Variants in DYNC2H1 observed in about 807,000 individuals in gnomAD.
DYNC2H1 encodes the protein cytoplasmic dynein 2 heavy chain 1.
Under a neutral mutation model 570.0 loss-of-function variants are expected in DYNC2H1, and 410 were observed. The observed-to-expected ratio is 0.72, with a 90% CI of 0.66 to 0.78. The LOEUF (loss-of-function observed/expected upper bound fraction) is 0.78. Among genes scored for constraint, DYNC2H1 ranks in the 30% least tolerant of loss-of-function variants. The probability of loss-of-function intolerance (pLI) is 0.00; values close to 1 mark genes in which losing one functional copy is unlikely to be tolerated. For synonymous variants in DYNC2H1, 1,688 were observed against 1,677.6 expected (o/e 1.01, Z -0.15); for missense variants, 4,865 against 5,046.4 (o/e 0.96, Z 1.09).
intron 77 of DYNC2H1, among the ~76,000 whole-genome samples, chr11:103,307,052 G>A (rs4754907): frequency 0.17 from 26,297 of 152,098 alleles, 2,465 homozygotes; most frequent in Admixed American, 0.26. Context: ...TATTTAAATT[G>A]TATTTTGACA....
intron 83 of DYNC2H1, among the ~76,000 whole-genome samples, chr11:103,373,204 G>T (rs1019078438): frequency 1.3e-5 from 2 of 152,008 alleles, no homozygotes; most frequent in African/African-American, 4.8e-5. Flanking sequence ...CAAAGTGCTG[G>T]GTTTACAGGC....
At chr11:103,294,967 G>C (rs2135378299) in intron 75 of DYNC2H1, among the ~76,000 whole-genome samples, 1 of 152,274 alleles carries the variant, frequency 6.6e-6, no homozygotes, top group Admixed American at 6.5e-5. Context: ...CCTCTAAAGA[G>C]AAGGAACGTG....
Position 103,302,944 on chromosome 11 carries a change from T to G in DYNC2H1, c.11096-149T>G. On this transcript the variant is annotated intron_variant, in intron 75 of 88. Transcript: ENST00000375735. ...TAAAACAGATGTTGGCTATTACTAG[T>G]ATATTATTTTAGAGTAGAAAAACTT... 6 of 509,488 alleles carry G rather than the reference T, an allele frequency of 1.2e-5. No individual in the cohort carries two copies. In the Admixed American group the frequency reaches 2.6e-4, roughly 22 times the overall value. 31.6% of individuals were successfully genotyped at this position (509,488 alleles called of 1,614,324 possible). A position where few individuals can be genotyped will look rare whatever the true frequency, so the allele number is the denominator to read the frequency against.
intron 84 of DYNC2H1, among the ~76,000 whole-genome samples, chr11:103,416,863 A>T (rs1943302376): frequency 6.6e-6 from 1 of 152,140 alleles, no homozygotes; most frequent in East Asian, 1.9e-4. Flanking sequence ...ATGGGGAGAA[A>T]TTTTTGCAAT....
Position 103,311,966 on chromosome 11 carries a change from C to T in DYNC2H1, c.11582C>T (p.Ala3861Val). The part of the protein sequence containing the change: ...QISKKDNTHR[A>V]HALFSLAWFH... ...AGCAAAAAAGATAATACACATCGAG[C>T]TCATGCTCTCTTCAGTCTTGCATGG... The change falls in exon 79 of 89, where the codon GCT (alanine) becomes GTT (valine). Residue 3861 changes from alanine to valine, a missense_variant. Ala to Val is a moderately conservative substitution (Grantham distance 64). This residue lies in a region of DYNC2H1 where 2,401 missense variants were observed against 2,454.6 expected (regional missense o/e 0.98). Transcript: ENST00000375735. 6.2e-7 allele frequency: 1 copy of T among 1,613,680 alleles called. No individual in the cohort carries two copies.
At chr11:103,247,073 A>G (rs565950654) in intron 65 of DYNC2H1, among the ~76,000 whole-genome samples, 2 of 151,448 alleles carry the variant, frequency 1.3e-5, no homozygotes, top group Non-Finnish European at 2.9e-5. Flanking sequence ...GGCAGTTTGC[A>G]GTTGGTAAAT....
rs1038562078 is a variant in DYNC2H1 at position 103,129,648 on chromosome 11, C to T, written c.1953+643C>T. The stretch of plus-strand genomic sequence containing the variant: ...GCAGTGGGTCGAGATCGTGCCACTG[C>T]ACTCTAGCCTGGGAGACAGAGCGAC... On this transcript the variant is annotated intron_variant, in intron 13 of 88. Transcript: ENST00000375735. This position sits in a 1 kb window ranked among gnomAD's most constrained non-coding sequence, Gnocchi z 4.1. Among the ~76,000 whole-genome samples the T allele has an allele frequency of 3.3e-5, 5 of 150,624 alleles. No homozygotes were observed. Among genetic ancestry groups the T allele is most frequent in the African/African-American group, 9.7e-5 (4 of 41,198 alleles).
At chr11:103,422,385 A>C (rs1372041425) in intron 84 of DYNC2H1, among the ~76,000 whole-genome samples, 1 of 152,148 alleles carries the variant, frequency 6.6e-6, no homozygotes, top group African/African-American at 2.4e-5. Flanking sequence ...AGAGACAACA[A>C]AAAAAGAAAA....
intron 87 of DYNC2H1, among the ~76,000 whole-genome samples, chr11:103,462,048 T>A (rs2135828157): frequency 6.6e-6 from 1 of 152,182 alleles, no homozygotes; most frequent in Middle Eastern, 3.4e-3. Context: ...CTCTTTCCAG[T>A]GGTTTGTTTG....
chr11:103,403,860 A>G (rs1258923974), intron 84 of DYNC2H1: 3 of 152,030 alleles, frequency 2.0e-5, no homozygotes, highest in Non-Finnish European at 4.4e-5. Context: ...TAGCTTCAAT[A>G]TCATTGGTGA....
chr11:103,330,322 T>A (rs1565500236), intron 82 of DYNC2H1, among the ~76,000 whole-genome samples: 1 of 152,086 alleles, frequency 6.6e-6, no homozygotes, highest in Non-Finnish European at 1.5e-5. Flanking sequence ...TACGAATTTG[T>A]GCAATCAAGA....
chr11:103,406,984 G>A (rs1229503677), intron 84 of DYNC2H1: 3 of 151,730 alleles, frequency 2.0e-5, no homozygotes, highest in Non-Finnish European at 4.4e-5. Flanking sequence ...AGTATTTATT[G>A]TTCATTGTCC....
rs17099969 is a variant in DYNC2H1, at chr11:103,121,378, G to T, written c.1367G>T (p.Arg456Leu). 1.3e-5 allele frequency: 20 copies of T among 1,598,744 alleles called. No individual in the cohort carries two copies. The Admixed American group carries it at 2.5e-4, about 20-fold the overall frequency. Residue 456 changes from arginine to leucine, a missense_variant, in exon 10 of 89, where the codon CGA becomes CTA. Transcript: ENST00000375735. ...TTTGATTTAAATTTTATAGATTTTC[G>T]ATTAGACTTTGAGAATCGGTGCCGA... Reference protein sequence around the residue: ...ARLVDSIKDFRLDFENRCRGI... With the variant: ...ARLVDSIKDFLLDFENRCRGI...
intron 82 of DYNC2H1, among the ~76,000 whole-genome samples, chr11:103,357,005 T>C (rs780054806): frequency 6.6e-6 from 1 of 152,136 alleles, no homozygotes; most frequent in Non-Finnish European, 1.5e-5. Context: ...ATCTGGTTTT[T>C]TGGATTTATT....
intron 83 of DYNC2H1, among the ~76,000 whole-genome samples, chr11:103,380,547 G>A (rs1288556970): frequency 6.6e-6 from 1 of 151,544 alleles, no homozygotes; most frequent in Non-Finnish European, 1.5e-5. Flanking sequence ...TTTTTTGGAG[G>A]TTACGTGATG....
At chr11:103,447,575 T>C (rs1453259150) in intron 85 of DYNC2H1, among the ~76,000 whole-genome samples, 1 of 152,124 alleles carries the variant, frequency 6.6e-6, no homozygotes, top group Non-Finnish European at 1.5e-5. Context: ...CTTCCAAGTA[T>C]CCATCATGCC....
intron 75 of DYNC2H1, among the ~76,000 whole-genome samples, chr11:103,291,647 A>G (rs1028315387): frequency 6.6e-6 from 1 of 152,126 alleles, no homozygotes; most frequent in African/African-American, 2.4e-5. Flanking sequence ...TAATGCTTAT[A>G]GTGGAGTGTT....
chr11:103,325,737 C>T lies in DYNC2H1; in HGVS notation c.12039+1747C>T, dbSNP rs1045376076. 2.0e-5 allele frequency among the ~76,000 whole-genome samples: 3 copies of T among 152,274 alleles called. No individual in the cohort carries two copies. The East Asian group carries it at 5.8e-4, about 29-fold the overall frequency. On this transcript the variant is annotated intron_variant, in intron 82 of 88. Coordinates refer to ENST00000375735, the MANE Select transcript of DYNC2H1 (RefSeq NM_001377.3). The surrounding 1 kb of genome is among the most constrained non-coding windows in gnomAD (Gnocchi z 4.8). ...ATTTTTGAGCTCTTGGATTGATTTA[C>T]TGGATACCTTGGATTCTTTGGATCG...
chr11:103,293,279 T>C (rs1866687461), intron 75 of DYNC2H1, among the ~76,000 whole-genome samples: 1 of 152,182 alleles, frequency 6.6e-6, no homozygotes, highest in South Asian at 2.1e-4. Context: ...CACTGAGAAA[T>C]GTGCTGCCAG....
Sources: allele counts gnomAD v4.1 joint callset (sites outside exome capture counted in the v4.1 genomes callset), GRCh38; gene constraint gnomAD v4.1.1; regional missense constraint gnomAD v4.1.1; non-coding constraint Gnocchi (gnomAD v3.1); transcripts MANE v1.5; gene names NCBI Gene and HGNC (gene_info 2026-07-23, HGNC 2026-07-21).